Variants in TULP4 observed in about 807,000 individuals in gnomAD.
TULP4 encodes the protein tubby-related protein 4.
TULP4 carries 16 observed loss-of-function variants against 129.0 expected under a neutral mutation model. The ratio of observed to expected loss-of-function variants is 0.12; its 90% CI spans 0.08 to 0.19. The LOEUF (loss-of-function observed/expected upper bound fraction) is 0.19. Ranked by LOEUF, TULP4 falls within the 10% of genes least tolerant of loss-of-function variation. The pLI is 1.00. For synonymous variants in TULP4, 998 were observed against 854.0 expected (o/e 1.17, Z -2.94); for missense variants, 1,842 against 2,059.1 (o/e 0.89, Z 2.04).
chr6:158,294,472 G>A (rs1778996120), intron 1 of TULP4, among the ~76,000 whole-genome samples: 2 of 152,190 alleles, frequency 1.3e-5, no homozygotes, highest in African/African-American at 2.4e-5. Context: ...GAAGGGCAAC[G>A]AAGGGAGGCC....
chr6:158,389,453 C>G (rs1351475360), intron 1 of TULP4, among the ~76,000 whole-genome samples: 1 of 152,156 alleles, frequency 6.6e-6, no homozygotes, highest in Non-Finnish European at 1.5e-5. Context: ...GACTTTCTCT[C>G]TCTCTCTCAA....
chr6:158,444,090 C>G (rs1191579765), intron 3 of TULP4, among the ~76,000 whole-genome samples: 5 of 151,636 alleles, frequency 3.3e-5, no homozygotes, highest in Admixed American at 6.6e-5. Flanking sequence ...CGTGGTGGCG[C>G]AAGCCTGTAG....
At chr6:158,454,865 C>T (rs554560811) in intron 5 of TULP4, among the ~76,000 whole-genome samples, 3 of 152,006 alleles carry the variant, frequency 2.0e-5, no homozygotes, top group Admixed American at 1.3e-4. Context: ...CTGGGCCTCC[C>T]GAAGTGCTGG....
At chr6:158,283,275 G>A (rs1335595498) in intron 1 of TULP4, among the ~76,000 whole-genome samples, 1 of 152,092 alleles carries the variant, frequency 6.6e-6, no homozygotes, top group Non-Finnish European at 1.5e-5. Context: ...TCCATAAATG[G>A]TTATTGTTGT....
At chr6:158,498,637 C>T in intron 11 of TULP4, 32 bp from the exon 12 acceptor site, 1 of 1,613,884 alleles carries the variant, frequency 6.2e-7, no homozygotes, top group Non-Finnish European at 8.5e-7. Context: ...TGGTGTGTCT[C>T]TGTTAACTGT....
At chr6:158,322,883 C>G (rs180786996) in intron 1 of TULP4, among the ~76,000 whole-genome samples, 5 of 152,226 alleles carry the variant, frequency 3.3e-5, no homozygotes, top group Admixed American at 3.3e-4. Context: ...TTCAATTGTT[C>G]AAAGAATGAA....
rs1221982667 is a variant in TULP4, at chr6:158,264,098, G to GA, written n.68+31801dup. Among the ~76,000 whole-genome samples the GA allele has an allele frequency of 4.6e-5, 7 of 152,142 alleles. No homozygotes were observed. In the East Asian group the frequency reaches 1.4e-3, roughly 29 times the overall value. ...AAACAAAACAAAAAGCCAGAATAAA[G>GA]AAAAAACTTAACAAAATTTTACTCA... is the stretch of plus-strand genomic sequence containing the variant. On this transcript the variant is annotated intron_variant and non_coding_transcript_variant, in intron 1 of 1. Coordinates refer to the TULP4 transcript ENST00000620026.
chr6:158,316,671 A>G (rs377158358), intron 1 of TULP4, among the ~76,000 whole-genome samples: 4 of 151,948 alleles, frequency 2.6e-5, no homozygotes, highest in African/African-American at 9.7e-5. Context: ...AACGTTACCC[A>G]TTTTTAGTCT....
chr6:158,402,424 A>G (rs773858327), intron 1 of TULP4, among the ~76,000 whole-genome samples: 27 of 152,200 alleles, frequency 1.8e-4, no homozygotes, highest in Non-Finnish European at 3.4e-4. Flanking sequence ...TTTTAATTCA[A>G]TTGGGAGATA....
At chr6:158,444,038 T>A (rs933828566) in intron 3 of TULP4, among the ~76,000 whole-genome samples, 3 of 151,390 alleles carry the variant, frequency 2.0e-5, no homozygotes, top group African/African-American at 4.8e-5. Flanking sequence ...GCTAACACGG[T>A]GAAACCCCGT....
intron 1 of TULP4, among the ~76,000 whole-genome samples, chr6:158,404,088 A>G (rs555899647): frequency 1.3e-5 from 2 of 152,290 alleles, no homozygotes; most frequent in African/African-American, 4.8e-5. Flanking sequence ...GTCAGTCTCC[A>G]CTCATGCTCC....
rs1259931103 is a variant in TULP4, at chr6:158,268,028, CTTTTTTCTTTTTT to C, written n.68+35732_68+35744del. On this transcript the variant is annotated intron_variant and non_coding_transcript_variant, in intron 1 of 1. Transcript: ENST00000620026. ...TTTTCTTTTCTTTTCTTTTCTTTTT[CTTTTTTCTTTTTT>C]TTTTTTTTTTTGAGACGTACTTTTG... Among the ~76,000 whole-genome samples the C allele has an allele frequency of 2.7e-3, 312 of 113,828 alleles. 1 individual carries two copies. Among genetic ancestry groups the C allele is most frequent in the Non-Finnish European group, 3.9e-3 (203 of 51,682 alleles). 74.7% of individuals were successfully genotyped at this position (113,828 alleles called of 152,430 possible).
chr6:158,388,791 A>G (rs1461535013), intron 1 of TULP4, among the ~76,000 whole-genome samples: 1 of 152,224 alleles, frequency 6.6e-6, no homozygotes, highest in South Asian at 2.1e-4. Context: ...TTAACCTTAA[A>G]TTATGGCCAA....
chr6:158,340,914 G>A (rs1165704247), intron 1 of TULP4, among the ~76,000 whole-genome samples: 1 of 152,186 alleles, frequency 6.6e-6, no homozygotes, highest in Middle Eastern at 3.2e-3. Context: ...AGACTGAGGA[G>A]TTAAAGAATT....
At chr6:158,433,034 C>T (rs555262461) in intron 3 of TULP4, among the ~76,000 whole-genome samples, 1 of 152,268 alleles carries the variant, frequency 6.6e-6, no homozygotes, top group South Asian at 2.1e-4. Context: ...CTAATTGTTA[C>T]AGGAATGTAT....
rs140309925 is a variant in TULP4, at chr6:158,250,443, A to G, written n.68+18140A>G. 2.7e-3 allele frequency among the ~76,000 whole-genome samples: 406 copies of G among 152,330 alleles called. 1 individual carries two copies. Among genetic ancestry groups the G allele is most frequent in the African/African-American group, 8.6e-3 (358 of 41,582 alleles). On this transcript the variant is annotated intron_variant and non_coding_transcript_variant, in intron 1 of 1. Transcript: ENST00000620026. ...AGTGCTGGGATTACAGGCATGAGCC[A>G]CTATACCTGGCGCCAAAATGCTTTT...
chr6:158,364,811 A>T (rs1005746885), intron 1 of TULP4, among the ~76,000 whole-genome samples: 1 of 152,086 alleles, frequency 6.6e-6, no homozygotes, highest in Non-Finnish European at 1.5e-5. Flanking sequence ...ATCTTGGCTC[A>T]CTGCAAGCTC....
chr6:158,364,875 A>G (rs1478349751), intron 1 of TULP4, among the ~76,000 whole-genome samples: 4 of 152,164 alleles, frequency 2.6e-5, no homozygotes, highest in Non-Finnish European at 5.9e-5. Context: ...TTGTGGGACT[A>G]CAGGCGCCCG....
chr6:158,283,043 G>A (rs1327218114), intron 1 of TULP4, among the ~76,000 whole-genome samples: 1 of 151,742 alleles, frequency 6.6e-6, no homozygotes, highest in African/African-American at 2.4e-5. Context: ...GGAGGCTGAG[G>A]CAGGAGAATC....
Sources: allele counts gnomAD v4.1 joint callset (sites outside exome capture counted in the v4.1 genomes callset), GRCh38; gene constraint gnomAD v4.1.1; transcripts MANE v1.5; gene names NCBI Gene and HGNC (gene_info 2026-07-23, HGNC 2026-07-21).